Variants in CPA6 observed in about 807,000 individuals in gnomAD.
CPA6 encodes carboxypeptidase A6.
Under a neutral mutation model 63.3 loss-of-function variants are expected in CPA6, and 58 were observed. The ratio of observed to expected loss-of-function variants is 0.92; its 90% CI spans 0.74 to 1.14. The LOEUF (loss-of-function observed/expected upper bound fraction) is 1.14, where lower values mean the gene tolerates loss of function less well. Among genes scored for constraint, CPA6 ranks in the 50% most tolerant of loss-of-function variants. The pLI is 0.00. For synonymous variants in CPA6, 185 were observed against 179.0 expected, an observed-to-expected ratio of 1.03 and a Z score of -0.27; for missense variants, 565 against 526.6, an observed-to-expected ratio of 1.07 and a Z score of -0.71.
chr8:67,455,852 C>T (rs943451724), intron 8 of CPA6, among the ~76,000 whole-genome samples: 10 of 151,844 alleles, frequency 6.6e-5, no homozygotes, highest in African/African-American at 2.4e-4. Flanking sequence ...GTAGCTGGGA[C>T]TATAGGCATG....
At chr8:67,658,520 C>G (rs1333342451) in intron 1 of CPA6, among the ~76,000 whole-genome samples, 2 of 152,166 alleles carry the variant, frequency 1.3e-5, no homozygotes, top group Non-Finnish European at 2.9e-5. Flanking sequence ...ACAACTCTCT[C>G]CCTAGGGAGT....
At chr8:67,451,138 C>T (rs1338538934) in intron 8 of CPA6, among the ~76,000 whole-genome samples, 1 of 152,138 alleles carries the variant, frequency 6.6e-6, no homozygotes, top group South Asian at 2.1e-4. Flanking sequence ...GTACCTTAGA[C>T]CAGGGGTCCC....
At chr8:67,561,425 A>T (rs1813210423) in intron 2 of CPA6, among the ~76,000 whole-genome samples, 1 of 152,198 alleles carries the variant, frequency 6.6e-6, no homozygotes, top group African/African-American at 2.4e-5. Context: ...TACGATGAAA[A>T]CATAGCATGA....
intron 2 of CPA6, among the ~76,000 whole-genome samples, chr8:67,588,299 TGACTGGAG>T (rs1370407604): frequency 6.6e-6 from 1 of 152,196 alleles, no homozygotes; most frequent in Admixed American, 6.5e-5. Context: ...ACTGATTAGA[TGACTGGAG>T]GTTGGAAATA....
intron 1 of CPA6, among the ~76,000 whole-genome samples, chr8:67,736,788 C>G (rs1817820664): frequency 6.6e-6 from 1 of 152,206 alleles, no homozygotes; most frequent in African/African-American, 2.4e-5. Context: ...ACTTTATAGG[C>G]AGCTCAAACA....
chr8:67,542,581 G>A (rs529504584), intron 2 of CPA6, among the ~76,000 whole-genome samples: 18 of 152,296 alleles, frequency 1.2e-4, no homozygotes, highest in African/African-American at 3.8e-4. Flanking sequence ...GGTAGAATAT[G>A]TATTTCTGTA....
intron 9 of CPA6, among the ~76,000 whole-genome samples, chr8:67,428,399 G>C (rs1809943134): frequency 6.6e-6 from 1 of 151,948 alleles, no homozygotes; most frequent in Non-Finnish European, 1.5e-5. Context: ...AAGGTTAAAT[G>C]GGTACGCAGA....
At chr8:67,463,976 C>T (rs1810870133) in intron 8 of CPA6, among the ~76,000 whole-genome samples, 1 of 152,152 alleles carries the variant, frequency 6.6e-6, no homozygotes, top group African/African-American at 2.4e-5. Flanking sequence ...CTTCAATGAA[C>T]ACGCGAGCGC....
At chr8:67,745,886 G>T in intron 1 of CPA6, 128 bp downstream of exon 1, 1 of 571,410 alleles carries the variant, frequency 1.8e-6, no homozygotes, top group Non-Finnish European at 3.1e-6. Context: ...ATTTTATATA[G>T]AGGACCGTGA....
intron 2 of CPA6, among the ~76,000 whole-genome samples, chr8:67,532,347 T>A (rs1812494562): frequency 6.6e-6 from 1 of 151,596 alleles, no homozygotes; most frequent in African/African-American, 2.4e-5. Flanking sequence ...ATAAAAAAAA[T>A]AGAGAATACC....
chr8:67,714,288 A>T (rs542963021), intron 1 of CPA6, among the ~76,000 whole-genome samples: 1 of 152,184 alleles, frequency 6.6e-6, no homozygotes, highest in Non-Finnish European at 1.5e-5. Flanking sequence ...GAAAGCGACT[A>T]AAAAGGAGAA....
intron 1 of CPA6, among the ~76,000 whole-genome samples, chr8:67,722,611 T>C (rs1028915363): frequency 2.0e-5 from 3 of 152,154 alleles, no homozygotes; most frequent in African/African-American, 7.2e-5. Flanking sequence ...GATACTAATT[T>C]ATAAACTTGG....
chr8:67,541,037 C>T (rs1030523870), intron 2 of CPA6, among the ~76,000 whole-genome samples: 8 of 152,054 alleles, frequency 5.3e-5, no homozygotes, highest in Non-Finnish European at 8.8e-5. Flanking sequence ...GTGTTCCAGG[C>T]ACCACTGGGA....
intron 1 of CPA6, among the ~76,000 whole-genome samples, chr8:67,707,225 C>T (rs1382686972): frequency 6.6e-6 from 1 of 152,162 alleles, no homozygotes; most frequent in Non-Finnish European, 1.5e-5. Flanking sequence ...AAAAAACTTT[C>T]AGGACCCTCA....
intron 6 of CPA6, among the ~76,000 whole-genome samples, chr8:67,500,651 C>T (rs563152854): frequency 2.0e-5 from 3 of 151,820 alleles, no homozygotes; most frequent in South Asian, 4.2e-4. Flanking sequence ...GCTTTTTTCC[C>T]CTAAAAGTTT....
At chr8:67,484,361 C>T (rs1019117005) in intron 7 of CPA6, among the ~76,000 whole-genome samples, 1 of 152,138 alleles carries the variant, frequency 6.6e-6, no homozygotes, top group East Asian at 1.9e-4. Flanking sequence ...CTTGAGCCAC[C>T]GCGCCCGGCC....
At chr8:67,449,392 GAC>G (rs1438946131) in intron 8 of CPA6, among the ~76,000 whole-genome samples, 1 of 152,220 alleles carries the variant, frequency 6.6e-6, no homozygotes, top group East Asian at 1.9e-4. Context: ...ACAGGCAAGA[GAC>G]AGTTCCCTTG....
chr8:67,428,405 G>A lies in CPA6; in HGVS notation c.1042-274C>T, dbSNP rs373174922. ...AGGCTCAGCAAGGTTAAATGGGTAC[G>A]CAGAATGGTTGAGCTAAGTACTCAT... On this transcript the variant is annotated intron_variant, in intron 9 of 10. Coordinates refer to ENST00000297770, the MANE Select transcript of CPA6 (RefSeq NM_020361.5). 7.9e-5 allele frequency among the ~76,000 whole-genome samples: 12 copies of A among 151,820 alleles called. No individual in the cohort carries two copies. The South Asian group carries it at 1.2e-3, about 16-fold the overall frequency.
chr8:67,535,166 T>C (rs762512812), intron 2 of CPA6, among the ~76,000 whole-genome samples: 12 of 152,194 alleles, frequency 7.9e-5, no homozygotes, highest in Non-Finnish European at 1.6e-4. Flanking sequence ...GCAATAAACA[T>C]ACGTGTGCAT....
Sources: gnomAD v4.1 joint callset for allele counts (sites outside exome capture counted in the v4.1 genomes callset) on GRCh38, gnomAD v4.1.1 for gene constraint, MANE v1.5 for transcripts, NCBI Gene and HGNC (gene_info 2026-07-23, HGNC 2026-07-21) for gene names.